PPP1R7: variants seen among roughly 807,000 people sequenced by gnomAD.
PPP1R7 encodes protein phosphatase 1 regulatory subunit 22.
PPP1R7 carries 18 observed loss-of-function variants against 45.2 expected under a neutral mutation model. The ratio of observed to expected loss-of-function variants is 0.40; its 90% CI spans 0.28 to 0.59. The LOEUF (loss-of-function observed/expected upper bound fraction) is 0.59. PPP1R7 is among the 20% of genes least tolerant of loss of function. PPP1R7 has a pLI of 0.46. For synonymous variants in PPP1R7, 181 were observed against 183.4 expected (o/e 0.99, Z 0.11); for missense variants, 314 against 455.8 (o/e 0.69, Z 2.83).
chr2:241,153,328 G>A (rs979425455), intron 1 of PPP1R7, 148 bp from the exon 2 acceptor site: 4 of 1,077,290 alleles, frequency 3.7e-6, no homozygotes, highest in Middle Eastern at 2.6e-4. Context: ...ATGGTGCTGG[G>A]ACATGGGAGA....
chr2:241,151,148 A>T (rs931098602), intron 1 of PPP1R7, among the ~76,000 whole-genome samples: 7 of 152,230 alleles, frequency 4.6e-5, no homozygotes, highest in Admixed American at 2.0e-4. Flanking sequence ...TATATGTTAT[A>T]CGTACACATG....
At chr2:241,171,398 A>C (rs1306263955) in intron 9 of PPP1R7, among the ~76,000 whole-genome samples, 15 of 152,244 alleles carry the variant, frequency 9.9e-5, no homozygotes, top group Admixed American at 9.8e-4. Flanking sequence ...TATCACAGCA[A>C]CCATGTGGAT....
intron 9 of PPP1R7, among the ~76,000 whole-genome samples, chr2:241,171,389 A>G (rs1229773319): frequency 6.6e-6 from 1 of 152,250 alleles, no homozygotes; most frequent in Non-Finnish European, 1.5e-5. Flanking sequence ...TGATCCAATT[A>G]TCACAGCAAC....
intron 1 of PPP1R7, among the ~76,000 whole-genome samples, chr2:241,151,206 G>C (rs1255564341): frequency 6.6e-6 from 1 of 152,178 alleles, no homozygotes; most frequent in Non-Finnish European, 1.5e-5. Context: ...ATACGTGCAC[G>C]TACAGTATGT....
chr2:241,182,973 A>G lies in PPP1R7; in HGVS notation c.*150A>G. 1 of 825,018 alleles carries G rather than the reference A, an allele frequency of 1.2e-6. No homozygotes were observed. The highest frequency in any genetic ancestry group is 1.8e-6 in the Non-Finnish European group (1 of 540,968). 51.1% of individuals were successfully genotyped at this position (825,018 alleles called of 1,614,324 possible). On this transcript the variant is annotated 3_prime_UTR_variant, in exon 10 of 10. Transcript: ENST00000234038. ...GCACTGACGATAGCTGGCGCGCGCG[A>G]CGTCACACACCATTTTCAGATGCCG...
intron 8 of PPP1R7, among the ~76,000 whole-genome samples, chr2:241,167,604 GAGAC>G (rs1270521684): frequency 6.6e-6 from 1 of 152,222 alleles, no homozygotes; most frequent in African/African-American, 2.4e-5. Context: ...CATCCACCGG[GAGAC>G]AGACAATCTG....
At chr2:241,160,699 T>C (rs2067568499) in intron 6 of PPP1R7, among the ~76,000 whole-genome samples, 1 of 152,252 alleles carries the variant, frequency 6.6e-6, no homozygotes, top group African/African-American at 2.4e-5. Context: ...TGGTCTAGCC[T>C]TTCTTCCGCA....
At chr2:241,155,690 G>A (rs1009880911) in intron 2 of PPP1R7, among the ~76,000 whole-genome samples, 2 of 152,150 alleles carry the variant, frequency 1.3e-5, no homozygotes, top group Non-Finnish European at 2.9e-5. Flanking sequence ...AAAGCCATGC[G>A]ACCGTGTGTC....
chr2:241,153,875 T>C (rs2067379951), intron 2 of PPP1R7, among the ~76,000 whole-genome samples: 1 of 152,132 alleles, frequency 6.6e-6, no homozygotes, highest in East Asian at 1.9e-4. Flanking sequence ...TAGTATGCCG[T>C]CTGAGACAGA....
At chr2:241,174,678 CTT>C (rs60135098) in intron 9 of PPP1R7, among the ~76,000 whole-genome samples, 23 of 144,712 alleles carry the variant, frequency 1.6e-4, no homozygotes, top group Admixed American at 2.1e-4. Flanking sequence ...ATTTTATCCT[CTT>C]TTTTTTTTTT....
At chr2:241,150,803 G>A (rs563284075) in intron 1 of PPP1R7, among the ~76,000 whole-genome samples, 48 of 152,344 alleles carry the variant, frequency 3.2e-4, no homozygotes, top group African/African-American at 1.1e-3. Context: ...GGCCGGGGGT[G>A]GGGCTGAATG....
intron 2 of PPP1R7, among the ~76,000 whole-genome samples, chr2:241,154,103 C>A (rs1385305059): frequency 4.1e-5 from 6 of 147,290 alleles, no homozygotes; most frequent in Admixed American, 4.1e-4. Context: ...CCGCTTGAAC[C>A]CAGGAGGTGG....
chr2:241,167,072 G>C, intron 8 of PPP1R7: 1 of 1,612,064 alleles, frequency 6.2e-7, no homozygotes, highest in South Asian at 1.1e-5. Flanking sequence ...GTACTGAGGG[G>C]AAGTGTGCTC....
At chr2:241,159,631 G>A (rs1389231226) in intron 5 of PPP1R7, among the ~76,000 whole-genome samples, 5 of 152,214 alleles carry the variant, frequency 3.3e-5, no homozygotes, top group Admixed American at 6.5e-5. Context: ...TCCATTCAGG[G>A]ATGATACTGA....
At chr2:241,150,431 G>A, upstream of PPP1R7, 1 of 1,461,770 alleles carries the variant, frequency 6.8e-7, no homozygotes, top group Non-Finnish European at 9.1e-7. Flanking sequence ...CGGCTCTGAG[G>A]CGGGAGCCCT....
At position 241,161,963 on chromosome 2, in the gene PPP1R7, A is replaced by G. The variant is rs143340327; in HGVS notation, c.598-1322A>G. Reference sequence around the variant, plus strand: ...CTGCCCATGTTCAGAATGCCCCTCTACTTGGCTTCTGGAAGTATTACAGCA... The same window carrying G: ...CTGCCCATGTTCAGAATGCCCCTCTGCTTGGCTTCTGGAAGTATTACAGCA... On this transcript the variant is annotated intron_variant, in intron 6 of 9. Transcript: ENST00000234038. Among the ~76,000 whole-genome samples the G allele has an allele frequency of 6.9e-3, 1,044 of 152,252 alleles. 6 individuals carry two copies. The highest frequency in any genetic ancestry group is 0.02 in the Middle Eastern group (6 of 294).
At chr2:241,170,529 T>C (rs2067794375) in intron 9 of PPP1R7, among the ~76,000 whole-genome samples, 2 of 152,232 alleles carry the variant, frequency 1.3e-5, no homozygotes, top group South Asian at 4.1e-4. Flanking sequence ...GCCTTTCCGC[T>C]AGCACGTGGC....
intron 1 of PPP1R7, chr2:241,151,677 T>C (rs1041619292): frequency 2.4e-6 from 1 of 411,244 alleles, no homozygotes; most frequent in Admixed American, 2.7e-5. Flanking sequence ...CACTCCCTCT[T>C]CAGCTGTTTC....
chr2:241,162,516 A>G (rs1164922479), intron 6 of PPP1R7, among the ~76,000 whole-genome samples: 1 of 152,118 alleles, frequency 6.6e-6, no homozygotes, highest in Non-Finnish European at 1.5e-5. Flanking sequence ...GGAGCACACG[A>G]TCACAGCAAG....
Sources: gnomAD v4.1 joint callset for allele counts (sites outside exome capture counted in the v4.1 genomes callset) on GRCh38, gnomAD v4.1.1 for gene constraint, MANE v1.5 for transcripts, NCBI Gene and HGNC (gene_info 2026-07-23, HGNC 2026-07-21) for gene names.